Variants in APOO observed in about 807,000 individuals in gnomAD.
The protein encoded by APOO is MICOS complex subunit MIC26.
APOO carries 11 observed loss-of-function variants against 23.1 expected under a neutral mutation model. The observed-to-expected ratio is 0.48, with a 90% CI of 0.30 to 0.79. The LOEUF (loss-of-function observed/expected upper bound fraction) is 0.79. APOO is among the 30% of genes least tolerant of loss of function. The pLI is 0.07. For synonymous variants in APOO, 59 were observed against 54.8 expected (o/e 1.08, Z -0.34); for missense variants, 160 against 142.7 (o/e 1.12, Z -0.62).
At chrX:23,902,657 T>C (rs960679226) in intron 1 of APOO, among the ~76,000 whole-genome samples, 13 of 112,148 alleles carry the variant, frequency 1.2e-4, no homozygotes, top group African/African-American at 4.2e-4. Flanking sequence ...CCTAGTGACC[T>C]GAAGATGAAT....
chrX:23,887,329 G>A (rs1926417432), intron 1 of APOO, among the ~76,000 whole-genome samples: 2 of 102,002 alleles, frequency 2.0e-5, no homozygotes, highest in Non-Finnish European at 3.9e-5. Context: ...CGCCTCCTGG[G>A]TTCAAGCCAT....
intron 7 of APOO, among the ~76,000 whole-genome samples, chrX:23,851,386 G>C (rs1924529737): frequency 9.0e-6 from 1 of 111,193 alleles, no homozygotes; most frequent in Admixed American, 9.7e-5. Flanking sequence ...GTAGAGACGG[G>C]TTTTCACCAT....
chrX:23,900,316 T>C (rs1023779771), intron 1 of APOO, among the ~76,000 whole-genome samples: 2 of 111,374 alleles, frequency 1.8e-5, no homozygotes, highest in Admixed American at 1.9e-4. Context: ...AACAATCCTG[T>C]GAGATACAGA....
chrX:23,898,985 ACTT>A (rs1927020242), intron 1 of APOO, among the ~76,000 whole-genome samples: 1 of 112,522 alleles, frequency 8.9e-6, no homozygotes, highest in Middle Eastern at 4.2e-3. Context: ...GAAGGAATAG[ACTT>A]CTTTTCAGGA....
rs898662617 is a variant in APOO, at chrX:23,898,287, C to T, written c.9+9407G>A. ...CTAATTTTTGCATTTTTTGTAGAGA[C>T]GGGCGGGGTTTCGCCATGTTGCCCA... On this transcript the variant is annotated intron_variant, in intron 1 of 8. Transcript: ENST00000379226. 2.8e-4 allele frequency among the ~76,000 whole-genome samples: 30 copies of T among 108,916 alleles called. No individual in the cohort carries two copies. The Admixed American group carries it at 2.8e-3, about 10-fold the overall frequency. The allele number at this position is 108,916 out of a possible 115,157, so 94.6% of individuals were successfully genotyped here. A position where few individuals can be genotyped will look rare whatever the true frequency, so the allele number is the denominator to read the frequency against.
At chrX:23,901,992 A>G (rs943338375) in intron 1 of APOO, among the ~76,000 whole-genome samples, 2 of 111,990 alleles carry the variant, frequency 1.8e-5, no homozygotes, top group African/African-American at 6.5e-5. Flanking sequence ...AAAGATCAGC[A>G]TAGGCATGTT....
chrX:23,875,909 G>A (rs756327975), intron 3 of APOO, among the ~76,000 whole-genome samples: 25 of 110,217 alleles, frequency 2.3e-4, no homozygotes, highest in Non-Finnish European at 4.3e-4. Context: ...AGTATCTCGT[G>A]AGGTCAGGAA....
chrX:23,880,457 T>C (rs1361665166), intron 2 of APOO, among the ~76,000 whole-genome samples: 1 of 111,746 alleles, frequency 8.9e-6, no homozygotes, highest in Non-Finnish European at 1.9e-5. Context: ...CCCAGCACTT[T>C]GGGAGGCCGA....
intron 7 of APOO, among the ~76,000 whole-genome samples, chrX:23,848,128 C>A (rs996776256): frequency 5.6e-5 from 6 of 107,703 alleles, no homozygotes; most frequent in Admixed American, 2.0e-4. Flanking sequence ...CCACTTCAGC[C>A]CCCCAAAGTG....
intron 7 of APOO, among the ~76,000 whole-genome samples, chrX:23,852,539 G>A (rs1225116798): frequency 1.8e-5 from 2 of 109,092 alleles, no homozygotes; most frequent in Admixed American, 9.8e-5. Flanking sequence ...GCTTGAACCC[G>A]GGAGGCGGAG....
chrX:23,878,886 C>T (rs5970803), intron 3 of APOO, 29 bp downstream of exon 3: 211,424 of 1,197,509 alleles, frequency 0.18, 12,954 homozygotes, highest in South Asian at 0.24. Flanking sequence ...AACAGAAATG[C>T]GTTCACTCCA....
At chrX:23,837,936 A>C (rs1443681545) in intron 8 of APOO, among the ~76,000 whole-genome samples, 1 of 104,721 alleles carries the variant, frequency 9.5e-6, no homozygotes, top group Admixed American at 1.1e-4. Context: ...CTAGGAGTAC[A>C]GGTGTGAGCC....
At chrX:23,865,486 C>T (rs1416299082) in intron 5 of APOO, among the ~76,000 whole-genome samples, 1 of 109,992 alleles carries the variant, frequency 9.1e-6, no homozygotes, top group Non-Finnish European at 1.9e-5. Context: ...CGCCTGTAGT[C>T]CCAGCTACTC....
At chrX:23,877,028 A>G (rs1166676718) in intron 3 of APOO, among the ~76,000 whole-genome samples, 1 of 112,059 alleles carries the variant, frequency 8.9e-6, no homozygotes, top group African/African-American at 3.2e-5. Flanking sequence ...CTAATCCATC[A>G]TCCAGAGAGG....
At chrX:23,861,608 C>G (rs1300721925) in intron 5 of APOO, among the ~76,000 whole-genome samples, 2 of 101,493 alleles carry the variant, frequency 2.0e-5, no homozygotes, top group African/African-American at 7.2e-5. Context: ...GGCAGGGTAT[C>G]ACTAAAGAAA....
intron 5 of APOO, among the ~76,000 whole-genome samples, chrX:23,863,408 C>G (rs1303951345): frequency 2.7e-5 from 3 of 111,492 alleles, no homozygotes; most frequent in African/African-American, 9.8e-5. Context: ...CACAGAAGAT[C>G]TTCAAAGCTT....
rs756441947 is a variant in APOO, at chrX:23,841,006, G to A, written c.562-629C>T. On this transcript the variant is annotated intron_variant, in intron 7 of 8. Coordinates refer to ENST00000379226, the MANE Select transcript of APOO (RefSeq NM_024122.5). ...AAAAGTTCACGTGCTAAACTTTTAA[G>A]GCCTTACTTTCTTTTCTATACGTTT... Among the ~76,000 whole-genome samples the A allele has an allele frequency of 7.5e-4, 84 of 111,988 alleles. No homozygotes were observed. In the South Asian group the frequency reaches 0.028, roughly 37 times the overall value.
intron 2 of APOO, 95 bp downstream of exon 2, chrX:23,880,750 C>T: frequency 9.3e-6 from 3 of 323,454 alleles, no homozygotes; most frequent in African/African-American, 2.9e-5. Flanking sequence ...GTATTTTAAA[C>T]AGTCACATCT....
intron 1 of APOO, among the ~76,000 whole-genome samples, chrX:23,897,089 T>C (rs1363937797): frequency 8.9e-6 from 1 of 111,929 alleles, no homozygotes; most frequent in Non-Finnish European, 1.9e-5. Context: ...CAGACTACAA[T>C]CTAAAGAGAT....
Sources: gnomAD v4.1 joint callset for allele counts (sites outside exome capture counted in the v4.1 genomes callset) on GRCh38, gnomAD v4.1.1 for gene constraint, MANE v1.5 for transcripts, NCBI Gene and HGNC (gene_info 2026-07-23, HGNC 2026-07-21) for gene names.